Variants in DNAH5 observed in about 807,000 individuals in gnomAD.
The protein encoded by DNAH5 is dynein axonemal heavy chain 5.
DNAH5 carries 372 observed loss-of-function variants against 518.2 expected under a neutral mutation model. That is an observed-to-expected ratio of 0.72 (90% CI 0.66 to 0.78). The LOEUF (loss-of-function observed/expected upper bound fraction) is 0.78, where lower values mean the gene tolerates loss of function less well. Among genes scored for constraint, DNAH5 ranks in the 30% least tolerant of loss-of-function variants. The pLI is 0.00. For synonymous variants in DNAH5, 2,039 were observed against 2,025.9 expected (o/e 1.01, Z -0.17); for missense variants, 5,523 against 5,687.0 (o/e 0.97, Z 0.93).
At chr5:14,006,268 A>C (rs10866505) in intron 1 of DNAH5, among the ~76,000 whole-genome samples, 1 of 152,028 alleles carries the variant, frequency 6.6e-6, no homozygotes, top group Non-Finnish European at 1.5e-5. Context: ...TCCAGTTGAC[A>C]TACCAGCGCG....
In DNAH5 at chr5:13,799,029, G is replaced by A. The variant is rs75236459; in HGVS notation, c.7888-4971C>T. Among the ~76,000 whole-genome samples the A allele has an allele frequency of 8.5e-5, 13 of 152,138 alleles. No individual in the cohort carries two copies. The East Asian group carries it at 2.3e-3, about 27-fold the overall frequency. ...GATCCACCTGCCTCAGCTTCCCAAT[G>A]TGCTGGGATTACAGGCATGAGCCAC... is the stretch of plus-strand genomic sequence containing the variant. On this transcript the variant is annotated intron_variant, in intron 47 of 78. Transcript: ENST00000265104.
intron 21 of DNAH5, among the ~76,000 whole-genome samples, chr5:13,879,154 C>T (rs182802055): frequency 1.3e-5 from 2 of 152,262 alleles, no homozygotes; most frequent in East Asian, 3.9e-4. Flanking sequence ...TTTTATAATA[C>T]ACAGAAACCA....
intron 54 of DNAH5, 59 bp from the exon 55 acceptor site, chr5:13,776,765 G>A (rs1754153223): frequency 6.4e-7 from 1 of 1,572,024 alleles, no homozygotes. Flanking sequence ...AGATCAAAAT[G>A]TAGAGCTTAA....
intron 78 of DNAH5, among the ~76,000 whole-genome samples, chr5:13,699,468 C>T (rs189033501): frequency 7.9e-4 from 120 of 152,292 alleles, no homozygotes; most frequent in African/African-American, 2.8e-3. Flanking sequence ...AATCCTAGCA[C>T]TTTGGGAGGC....
At chr5:13,866,031 A>G in intron 26 of DNAH5, 125 bp from the exon 27 acceptor site, 1 of 883,494 alleles carries the variant, frequency 1.1e-6, no homozygotes, top group South Asian at 1.5e-5. Context: ...GTAAATAGGA[A>G]TACTAAGTTG....
intron 71 of DNAH5, among the ~76,000 whole-genome samples, chr5:13,720,565 A>T (rs1209652085): frequency 2.0e-5 from 3 of 152,008 alleles, no homozygotes; most frequent in Non-Finnish European, 4.4e-5. Context: ...TTTTGTAAAG[A>T]TGGGGTCTAT....
At chr5:13,693,153 C>T (rs568078602) in intron 78 of DNAH5, among the ~76,000 whole-genome samples, 1 of 152,084 alleles carries the variant, frequency 6.6e-6, no homozygotes, top group Non-Finnish European at 1.5e-5. Context: ...TACACCCATC[C>T]CTGTACTCTT....
chr5:13,766,833 C>A (rs1289612955), intron 58 of DNAH5, among the ~76,000 whole-genome samples: 1 of 152,090 alleles, frequency 6.6e-6, no homozygotes, highest in African/African-American at 2.4e-5. Flanking sequence ...AATAACTGCT[C>A]AATCACCTAA....
intron 66 of DNAH5, among the ~76,000 whole-genome samples, 193 bp from the exon 67 acceptor site, chr5:13,736,125 A>C (rs1337520098): frequency 6.6e-6 from 1 of 152,190 alleles, no homozygotes; most frequent in Non-Finnish European, 1.5e-5. Context: ...TAAGTAATCA[A>C]CTATTTGTAT....
At chr5:13,862,180 A>G (rs993647385) in intron 29 of DNAH5, among the ~76,000 whole-genome samples, 9 of 152,158 alleles carry the variant, frequency 5.9e-5, no homozygotes, top group Non-Finnish European at 1.0e-4. Flanking sequence ...GCAAGCTGAA[A>G]TGTTCCCAAG....
At chr5:13,972,823 C>T (rs967152431) in intron 1 of DNAH5, among the ~76,000 whole-genome samples, 1 of 152,172 alleles carries the variant, frequency 6.6e-6, no homozygotes, top group Non-Finnish European at 1.5e-5. Context: ...TCTGTCCATT[C>T]GAGTGGGAGC....
chr5:13,918,808 C>T (rs1776935857), intron 7 of DNAH5, among the ~76,000 whole-genome samples: 1 of 151,998 alleles, frequency 6.6e-6, no homozygotes, highest in Admixed American at 6.6e-5. Flanking sequence ...GGTTGTTTTG[C>T]AATATAAAAC....
intron 65 of DNAH5, among the ~76,000 whole-genome samples, chr5:13,750,194 C>T (rs1750020159): frequency 6.6e-6 from 1 of 152,168 alleles, no homozygotes; most frequent in African/African-American, 2.4e-5. Context: ...AAAGACTTTG[C>T]TGACTGTATT....
At chr5:13,978,760 T>C (rs1469167476) in intron 1 of DNAH5, among the ~76,000 whole-genome samples, 1 of 152,116 alleles carries the variant, frequency 6.6e-6, no homozygotes, top group African/African-American at 2.4e-5. Flanking sequence ...AGCATCCAGG[T>C]TTGTAAGTAC....
chr5:13,895,069 TCCCGG>T (rs1160024546), intron 15 of DNAH5, among the ~76,000 whole-genome samples: 4 of 390 alleles, frequency 0.01, 2 homozygotes, highest in Non-Finnish European at 0.034. Flanking sequence ...ATCGAGACCA[TCCCGG>T]CTAAAACGGT....
chr5:13,911,882 T>C (rs17276782), intron 11 of DNAH5, among the ~76,000 whole-genome samples: 35,484 of 152,000 alleles, frequency 0.23, 4,641 homozygotes, highest in South Asian at 0.35. Flanking sequence ...TCTCAGAAAA[T>C]AAATAAGGCT....
chr5:13,745,789 C>T (rs113881510), intron 65 of DNAH5, among the ~76,000 whole-genome samples: 1 of 152,134 alleles, frequency 6.6e-6, no homozygotes, highest in African/African-American at 2.4e-5. Context: ...TATCCTATCC[C>T]TTCCTGTGTG....
At chr5:13,705,489 A>G (rs991601010) in intron 76 of DNAH5, among the ~76,000 whole-genome samples, 1 of 152,220 alleles carries the variant, frequency 6.6e-6, no homozygotes, top group African/African-American at 2.4e-5. Context: ...AAATTTTAAA[A>G]TAAGTCTTTA....
chr5:13,750,332 A>G (rs1750037589), intron 65 of DNAH5, among the ~76,000 whole-genome samples: 1 of 152,236 alleles, frequency 6.6e-6, no homozygotes, highest in Non-Finnish European at 1.5e-5. Context: ...TAACATTCCC[A>G]TTAAAATCTT....
Sources: allele counts gnomAD v4.1 joint callset (sites outside exome capture counted in the v4.1 genomes callset), GRCh38; gene constraint gnomAD v4.1.1; transcripts MANE v1.5; gene names NCBI Gene and HGNC (gene_info 2026-07-23, HGNC 2026-07-21).